LYN: variants seen among roughly 807,000 people sequenced by gnomAD.
LYN encodes LYN proto-oncogene, Src family tyrosine kinase, also known as tyrosine-protein kinase Lyn.
A neutral mutation model predicts 65.0 loss-of-function variants in LYN; 12 were observed. The observed-to-expected ratio is 0.18, with a 90% CI of 0.12 to 0.30. The LOEUF is 0.30. LYN is among the 10% of genes least tolerant of loss of function. The pLI is 1.00. For missense variants in LYN, 380 were observed against 623.2 expected, an observed-to-expected ratio of 0.61 and a Z score of 4.16; for synonymous variants, 222 against 221.2, an observed-to-expected ratio of 1.00 and a Z score of -0.03.
At chr8:56,004,128 C>T (rs1277412321) in intron 12 of LYN, among the ~76,000 whole-genome samples, 1 of 151,482 alleles carries the variant, frequency 6.6e-6, no homozygotes, top group African/African-American at 2.4e-5. Context: ...GATGGGGTTT[C>T]TCCATGTTGG....
In LYN at chr8:56,010,367, G is replaced by A; in HGVS notation, c.*257G>A. The A allele has an allele frequency of 2.1e-6, 1 of 467,436 alleles. No homozygotes were observed. Among genetic ancestry groups the A allele is most frequent in the Non-Finnish European group, 3.9e-6 (1 of 255,656 alleles). The allele number at this position is 467,436 out of a possible 1,614,324, so 29.0% of individuals were successfully genotyped here. ...AATCTTGCTCTGCTTGACAACATCT[G>A]AGTGCAGCCGTTTGAGAAGAAAACA... On this transcript the variant is annotated 3_prime_UTR_variant, in exon 13 of 13. Transcript: ENST00000519728.
chr8:55,996,936 C>A (rs928307001), intron 10 of LYN, among the ~76,000 whole-genome samples: 1 of 151,994 alleles, frequency 6.6e-6, no homozygotes, highest in African/African-American at 2.4e-5. Flanking sequence ...TTGAGACCAG[C>A]CTGATGAAAC....
At chr8:55,929,476 A>G (rs1185066409) in intron 1 of LYN, among the ~76,000 whole-genome samples, 1 of 152,202 alleles carries the variant, frequency 6.6e-6, no homozygotes, top group African/African-American at 2.4e-5. Context: ...TTTACATTTT[A>G]TAACAGGATA....
intron 10 of LYN, among the ~76,000 whole-genome samples, chr8:55,972,580 C>T (rs1807639534): frequency 6.6e-6 from 1 of 152,178 alleles, no homozygotes; most frequent in African/African-American, 2.4e-5. Context: ...ACCCAGTGCT[C>T]CTCCTCCTCC....
intron 10 of LYN, chr8:55,980,674 G>A (rs1295182679): frequency 6.6e-6 from 1 of 152,208 alleles, no homozygotes; most frequent in Non-Finnish European, 1.5e-5. Context: ...TGCTCCTAAT[G>A]AGCCTCCCTC....
intron 12 of LYN, among the ~76,000 whole-genome samples, chr8:56,003,308 G>T (rs535460126): frequency 1.3e-5 from 2 of 151,894 alleles, no homozygotes; most frequent in Admixed American, 6.6e-5. Flanking sequence ...GGATCCTCCC[G>T]CCTTGGCCTG....
At chr8:55,942,301 GTATATATGTGTATATATGTA>G (rs1206358363) in intron 2 of LYN, among the ~76,000 whole-genome samples, 7 of 144,228 alleles carry the variant, frequency 4.9e-5, no homozygotes, top group African/African-American at 1.6e-4. Context: ...ATGTGTGTGT[GTATATATGTGTATATATGTA>G]TATATATGTG....
intron 1 of LYN, among the ~76,000 whole-genome samples, chr8:55,927,365 T>A (rs1487234365): frequency 6.6e-6 from 1 of 152,198 alleles, no homozygotes; most frequent in Non-Finnish European, 1.5e-5. Flanking sequence ...CAGATTGGCT[T>A]CTTTCACTTA....
At position 56,011,575 on chromosome 8, in the gene LYN, T is replaced by C. The variant is rs1808819061; in HGVS notation, c.*1465T>C. The C allele has an allele frequency of 5.3e-6, 1 of 190,096 alleles. No individual in the cohort carries two copies. Among genetic ancestry groups the C allele is most frequent in the African/African-American group, 2.3e-5 (1 of 42,920 alleles). 11.8% of individuals were successfully genotyped at this position (190,096 alleles called of 1,614,324 possible). ...GATTGCCTGAACACCTGAACATCCG[T>C]TTATGGGGGCCAGATAGAATTTGTT... On this transcript the variant is annotated 3_prime_UTR_variant, in exon 13 of 13. Coordinates refer to ENST00000519728, the MANE Select transcript of LYN (RefSeq NM_002350.4).
rs147733188 is a variant in LYN, at chr8:55,984,322, G to A, written c.1051-14024G>A. ...TTCTAGCTCAGCCCAAACTGCTCCCGTGAGCCCCTGCTGGCTCAGCATCTG... is the reference window on the plus strand; with the variant it reads ...TTCTAGCTCAGCCCAAACTGCTCCCATGAGCCCCTGCTGGCTCAGCATCTG... On this transcript the variant is annotated intron_variant, in intron 10 of 12. Coordinates refer to ENST00000519728, the MANE Select transcript of LYN (RefSeq NM_002350.4). Among the ~76,000 whole-genome samples, 88 of 152,268 alleles carry A rather than the reference G, an allele frequency of 5.8e-4. 3 individuals are homozygous for A. In the East Asian group the frequency reaches 0.015, roughly 26 times the overall value.
intron 10 of LYN, among the ~76,000 whole-genome samples, chr8:55,981,275 G>A (rs553914133): frequency 4.6e-5 from 7 of 152,162 alleles, no homozygotes; most frequent in Admixed American, 3.9e-4. Context: ...CTCGGTCCCC[G>A]CCCATTTCTT....
rs1309264160 is a variant in LYN at position 56,011,536 on chromosome 8, A to C, written c.*1426A>C. The C allele has an allele frequency of 5.2e-6, 1 of 192,198 alleles. No homozygotes were observed. 11.9% of individuals were successfully genotyped at this position (192,198 alleles called of 1,614,324 possible). ...CCTTCCTTTGAACATTTCAGATTGG[A>C]GAACCAAGGAGTTGATTGCCTGAAC... On this transcript the variant is annotated 3_prime_UTR_variant, in exon 13 of 13. Coordinates refer to ENST00000519728, the MANE Select transcript of LYN (RefSeq NM_002350.4).
intron 1 of LYN, among the ~76,000 whole-genome samples, chr8:55,914,561 A>G (rs759536130): frequency 6.6e-6 from 1 of 152,072 alleles, no homozygotes; most frequent in Non-Finnish European, 1.5e-5. Context: ...GGCCATCCAC[A>G]TGCCTTCCAG....
intron 7 of LYN, 109 bp downstream of exon 7, chr8:55,952,224 AGATAC>A: frequency 1.2e-6 from 1 of 856,812 alleles, no homozygotes; most frequent in Non-Finnish European, 1.7e-6. Flanking sequence ...TATTTCTCTT[AGATAC>A]AGTTGCAGGT....
rs550056762 is a variant in LYN at position 55,989,148 on chromosome 8, G to A, written c.1051-9198G>A. ...GGTGATGGCTCAGAGCCTGCGCCTCGGGTGGGAGAGAGCTTGCTGGAAGCC... is the reference window on the plus strand; with the variant it reads ...GGTGATGGCTCAGAGCCTGCGCCTCAGGTGGGAGAGAGCTTGCTGGAAGCC... On this transcript the variant is annotated intron_variant, in intron 10 of 12. Transcript: ENST00000519728. Among the ~76,000 whole-genome samples the A allele has an allele frequency of 4.6e-5, 7 of 152,348 alleles. No homozygotes were observed. The South Asian group carries it at 6.2e-4, about 14-fold the overall frequency.
intron 1 of LYN, among the ~76,000 whole-genome samples, chr8:55,933,383 A>G (rs1214146471): frequency 2.0e-5 from 3 of 152,204 alleles, no homozygotes; most frequent in East Asian, 1.9e-4. Flanking sequence ...AAACAAGCCT[A>G]TTTCTATATG....
intron 10 of LYN, 55 bp downstream of exon 10, chr8:55,969,848 T>A: frequency 7.1e-7 from 1 of 1,410,918 alleles, no homozygotes; most frequent in Non-Finnish European, 1.0e-6. Flanking sequence ...CTTCCCTGCG[T>A]CAAATTCATG....
At chr8:55,884,108 C>T (rs1369540041) in intron 1 of LYN, among the ~76,000 whole-genome samples, 2 of 152,094 alleles carry the variant, frequency 1.3e-5, no homozygotes, top group Non-Finnish European at 2.9e-5. Flanking sequence ...TTTGTTTGTT[C>T]TTCTTTTCTG....
rs548094454 is a variant in LYN at position 55,963,094 on chromosome 8, A to C, written c.791-3621A>C. 2.6e-5 allele frequency among the ~76,000 whole-genome samples: 4 copies of C among 152,340 alleles called. No individual in the cohort carries two copies. The South Asian group carries it at 8.3e-4, about 32-fold the overall frequency. ...CCAACACTGGGGATCAAATTTCAACATGAGATTTGGAGAGGACAAACATCC... is the reference window on the plus strand; with the variant it reads ...CCAACACTGGGGATCAAATTTCAACCTGAGATTTGGAGAGGACAAACATCC... On this transcript the variant is annotated intron_variant, in intron 8 of 12. Transcript: ENST00000519728.
Sources: allele counts gnomAD v4.1 joint callset (sites outside exome capture counted in the v4.1 genomes callset), GRCh38; gene constraint gnomAD v4.1.1; transcripts MANE v1.5; gene names NCBI Gene and HGNC (gene_info 2026-07-23, HGNC 2026-07-21).